Variants in BEND7 observed in about 807,000 individuals in gnomAD.
BEND7 encodes the protein BEN domain containing 7, also known as BEN domain-containing protein 7.
In BEND7, 28 loss-of-function variants were observed where a neutral mutation model predicts 50.9. The observed-to-expected ratio is 0.55, with a 90% CI of 0.41 to 0.75. BEND7 has a LOEUF of 0.75. Ranked by LOEUF, BEND7 falls within the 30% of genes least tolerant of loss-of-function variation. The pLI, the probability that BEND7 is intolerant of heterozygous loss-of-function variation, is 0.00. For missense variants in BEND7, 477 were observed against 491.3 expected (o/e 0.97, Z 0.28); for synonymous variants, 170 against 183.9 (o/e 0.92, Z 0.61).
intron 8 of BEND7, chr10:13,446,891 A>AG (rs1048269001): frequency 1.1e-5 from 3 of 279,548 alleles, no homozygotes; most frequent in African/African-American, 4.6e-5. Context: ...GAGGTGGGAG[A>AG]GGACAGCCTA....
At chr10:13,479,250 C>A (rs1164994071) in intron 6 of BEND7, among the ~76,000 whole-genome samples, 2 of 152,010 alleles carry the variant, frequency 1.3e-5, no homozygotes, top group Admixed American at 6.5e-5. Flanking sequence ...CTGCAGTGTT[C>A]CACCCACCTC....
At chr10:13,525,688 T>C (rs1480819393) in intron 2 of BEND7, among the ~76,000 whole-genome samples, 1 of 152,214 alleles carries the variant, frequency 6.6e-6, no homozygotes, top group East Asian at 1.9e-4. Context: ...AGGGACATTA[T>C]AAGACAGCAC....
intron 4 of BEND7, among the ~76,000 whole-genome samples, chr10:13,495,923 A>G (rs1291955871): frequency 6.6e-6 from 1 of 152,202 alleles, no homozygotes; most frequent in Non-Finnish European, 1.5e-5. Context: ...CAAGAGGGAA[A>G]ACTTAATACA....
intron 2 of BEND7, among the ~76,000 whole-genome samples, chr10:13,504,918 CAT>C (rs1279590643): frequency 4.6e-5 from 7 of 152,138 alleles, no homozygotes; most frequent in African/African-American, 1.7e-4. Context: ...ATTTATGACA[CAT>C]AGTCTTGCAG....
At chr10:13,501,165 G>A (rs373444053) in intron 2 of BEND7, among the ~76,000 whole-genome samples, 306 of 151,614 alleles carry the variant, frequency 2.0e-3, no homozygotes, top group African/African-American at 7.0e-3. Context: ...ACCTGAGGTC[G>A]GGAGTTCGAG....
At chr10:13,489,266 C>G (rs1163896221) in intron 5 of BEND7, among the ~76,000 whole-genome samples, 1 of 152,190 alleles carries the variant, frequency 6.6e-6, no homozygotes, top group Non-Finnish European at 1.5e-5. Context: ...TGCTCCCTGA[C>G]CCATGAAGTT....
chr10:13,499,673 A>C, intron 3 of BEND7, 105 bp downstream of exon 3: 1 of 1,294,090 alleles, frequency 7.7e-7, no homozygotes, highest in Non-Finnish European at 1.0e-6. Flanking sequence ...AAAGGCAGGT[A>C]ATTATGGGAG....
At chr10:13,499,570 T>C (rs774772742) in intron 3 of BEND7, among the ~76,000 whole-genome samples, 1 of 152,224 alleles carries the variant, frequency 6.6e-6, no homozygotes, top group Non-Finnish European at 1.5e-5. Flanking sequence ...ACTTATAACA[T>C]AGAACCCCCT....
chr10:13,526,313 T>C (rs1038235718), intron 1 of BEND7, 92 bp from the exon 2 acceptor site: 60 of 419,344 alleles, frequency 1.4e-4, no homozygotes, highest in Non-Finnish European at 2.3e-4. Flanking sequence ...ATTTAGTTTG[T>C]ATACTCTATA....
chr10:13,461,058 C>G (rs1253821344), intron 6 of BEND7, among the ~76,000 whole-genome samples: 1 of 152,142 alleles, frequency 6.6e-6, no homozygotes, highest in African/African-American at 2.4e-5. Context: ...GCACCTCACC[C>G]ATTATTGGGT....
At chr10:13,498,071 C>CTTTTTTTTTTTTT (rs67255529) in intron 3 of BEND7, among the ~76,000 whole-genome samples, 1 of 109,868 alleles carries the variant, frequency 9.1e-6, no homozygotes. Flanking sequence ...ATTTCTTTTT[C>CTTTTTTTTTTTTT]TTTTTTTTTT....
At chr10:13,494,143 G>A (rs1010501336) in intron 4 of BEND7, among the ~76,000 whole-genome samples, 2 of 152,218 alleles carry the variant, frequency 1.3e-5, no homozygotes, top group African/African-American at 4.8e-5. Context: ...GCCGGGCCAG[G>A]CATGGTGGCT....
chr10:13,524,644 CAAAAAAAAAA>C (rs58967065), intron 2 of BEND7, among the ~76,000 whole-genome samples: 1 of 88,554 alleles, frequency 1.1e-5, no homozygotes, highest in Non-Finnish European at 2.4e-5. Flanking sequence ...ACCTCCGTCT[CAAAAAAAAAA>C]AAAAAAAAAA....
At chr10:13,497,953 T>C (rs1383809494) in intron 3 of BEND7, among the ~76,000 whole-genome samples, 9 of 152,198 alleles carry the variant, frequency 5.9e-5, no homozygotes, top group Non-Finnish European at 1.2e-4. Context: ...GTGATTGTAG[T>C]GGTACAATTA....
At position 13,526,129 on chromosome 10, in the gene BEND7, G is replaced by T; in HGVS notation, c.145+9C>A. ...TTTTGCTGAGGTATTAATTGACATA[G>T]GAACCTACCTAAAAAAATGGGCTGT... On this transcript the variant is annotated intron_variant, in intron 2 of 8. Coordinates refer to ENST00000466271, the MANE Select transcript of BEND7 (RefSeq NM_001369863.1). 1 of 1,276,096 alleles carries T rather than the reference G, an allele frequency of 7.8e-7. No homozygotes were observed. 79.0% of individuals were successfully genotyped at this position (1,276,096 alleles called of 1,614,324 possible). A position where few individuals can be genotyped will look rare whatever the true frequency, so the allele number is the denominator to read the frequency against.
chr10:13,447,201 A>G, intron 8 of BEND7, 65 bp downstream of exon 8: 3 of 1,557,250 alleles, frequency 1.9e-6, no homozygotes, highest in Non-Finnish European at 2.7e-6. Context: ...ATCGTTTTCA[A>G]TGCAAATAGT....
intron 6 of BEND7, among the ~76,000 whole-genome samples, chr10:13,472,157 A>G (rs2074921791): frequency 6.6e-6 from 1 of 152,034 alleles, no homozygotes; most frequent in South Asian, 2.1e-4. Context: ...CTCGGGGTTG[A>G]TACTCGTCAT....
At chr10:13,450,926 G>C (rs1837534546) in intron 7 of BEND7, among the ~76,000 whole-genome samples, 1 of 152,058 alleles carries the variant, frequency 6.6e-6, no homozygotes. Flanking sequence ...TTGGGGGAAA[G>C]AGAAGAGGGA....
chr10:13,507,923 A>T (rs1439754614), intron 2 of BEND7, among the ~76,000 whole-genome samples: 1 of 152,248 alleles, frequency 6.6e-6, no homozygotes, highest in African/African-American at 2.4e-5. Flanking sequence ...AAATAATAAG[A>T]TGACCAGGAT....
Sources: gnomAD v4.1 joint callset for allele counts (sites outside exome capture counted in the v4.1 genomes callset) on GRCh38, gnomAD v4.1.1 for gene constraint, MANE v1.5 for transcripts, NCBI Gene and HGNC (gene_info 2026-07-23, HGNC 2026-07-21) for gene names.